MCPH1: variants seen among roughly 807,000 people sequenced by gnomAD.
MCPH1 encodes the protein microcephalin.
A neutral mutation model predicts 84.5 loss-of-function variants in MCPH1; 104 were observed. That is an observed-to-expected ratio of 1.23 (90% confidence interval 1.05 to 1.45). The LOEUF is 1.45. Ranked by LOEUF, MCPH1 falls within the 40% of genes most tolerant of loss-of-function variation. MCPH1 has a pLI of 0.00. For synonymous variants in MCPH1, 514 were observed against 366.8 expected, an observed-to-expected ratio of 1.40 and a Z score of -4.58; for missense variants, 1,498 against 1,005.7, an observed-to-expected ratio of 1.49 and a Z score of -6.62.
chr8:6,523,248 CT>C (rs1817703967), intron 12 of MCPH1, among the ~76,000 whole-genome samples: 1 of 152,184 alleles, frequency 6.6e-6, no homozygotes, highest in African/African-American at 2.4e-5. Flanking sequence ...CCGCCCGCCC[CT>C]GCCTCCCAAA....
At chr8:6,528,479 C>G (rs1008032195) in intron 12 of MCPH1, among the ~76,000 whole-genome samples, 1 of 152,056 alleles carries the variant, frequency 6.6e-6, no homozygotes, top group East Asian at 1.9e-4. Flanking sequence ...CATTTGTCAC[C>G]ACTTGTTTAG....
At chr8:6,512,186 C>T (rs1329515134) in intron 12 of MCPH1, among the ~76,000 whole-genome samples, 2 of 152,162 alleles carry the variant, frequency 1.3e-5, no homozygotes, top group Non-Finnish European at 2.9e-5. Context: ...GTTTCTCAAA[C>T]ATGCTTCTGA....
intron 12 of MCPH1, among the ~76,000 whole-genome samples, chr8:6,567,020 A>T (rs1826234290): frequency 7.1e-6 from 1 of 140,650 alleles, no homozygotes. Flanking sequence ...TAGATAGTGC[A>T]CGCGGTGCGG....
chr8:6,582,944 G>T (rs114531252), intron 12 of MCPH1, among the ~76,000 whole-genome samples: 1 of 152,104 alleles, frequency 6.6e-6, no homozygotes. Context: ...TCTGGGCCAC[G>T]ATGACTGGGG....
At chr8:6,432,952 C>T (rs1221937113) in intron 4 of MCPH1, among the ~76,000 whole-genome samples, 1 of 152,214 alleles carries the variant, frequency 6.6e-6, no homozygotes, top group Non-Finnish European at 1.5e-5. Flanking sequence ...ATGTAAGCAG[C>T]TTTCAATTTG....
intron 12 of MCPH1, among the ~76,000 whole-genome samples, chr8:6,504,576 G>T (rs997427410): frequency 6.6e-6 from 1 of 152,122 alleles, no homozygotes. Context: ...AAGTGCAAGA[G>T]TGATGATGCT....
chr8:6,586,281 C>T lies in MCPH1; in HGVS notation c.2215-35173C>T, dbSNP rs147412629. ...CAGCTCATCCTTCCTTTAAAACCGG[C>T]AGCTGGGCAATAATACAGATGGGAC... On this transcript the variant is annotated intron_variant, in intron 12 of 13. Transcript: ENST00000344683. 2.9e-4 allele frequency among the ~76,000 whole-genome samples: 44 copies of T among 152,244 alleles called. 1 individual carries two copies. The East Asian group carries it at 8.1e-3, about 28-fold the overall frequency.
intron 7 of MCPH1, 128 bp downstream of exon 7, chr8:6,442,284 T>TC (rs1380810317): frequency 1.5e-5 from 10 of 665,794 alleles, no homozygotes; most frequent in African/African-American, 5.4e-5. Context: ...CTTCTAAATT[T>TC]CCCCCTGAAA....
intron 12 of MCPH1, among the ~76,000 whole-genome samples, chr8:6,514,024 C>T (rs2442628): frequency 0.092 from 13,964 of 152,136 alleles, 892 homozygotes; most frequent in African/African-American, 0.18. Context: ...AGTTATTAGA[C>T]ACTAAGCTGC....
intron 12 of MCPH1, among the ~76,000 whole-genome samples, chr8:6,602,206 G>A (rs1829425897): frequency 6.6e-6 from 1 of 152,238 alleles, no homozygotes; most frequent in African/African-American, 2.4e-5. Context: ...TCGCTAGCGA[G>A]GAGGGAGGCA....
At chr8:6,614,039 C>G (rs1830554957) in intron 12 of MCPH1, among the ~76,000 whole-genome samples, 1 of 152,142 alleles carries the variant, frequency 6.6e-6, no homozygotes, top group South Asian at 2.1e-4. Context: ...CTCCCTGGTG[C>G]CAAAGACCAG....
At chr8:6,459,911 C>T (rs542600436) in intron 9 of MCPH1, among the ~76,000 whole-genome samples, 6 of 152,328 alleles carry the variant, frequency 3.9e-5, no homozygotes, top group South Asian at 4.1e-4. Context: ...AAGAGCAGCA[C>T]GGCCTTGGTG....
intron 12 of MCPH1, among the ~76,000 whole-genome samples, chr8:6,561,725 A>G (rs1251037507): frequency 2.0e-5 from 3 of 152,248 alleles, no homozygotes; most frequent in Non-Finnish European, 4.4e-5. Context: ...AGTCCATATA[A>G]AGAAAATTCC....
chr8:6,412,237 G>C (rs892027983), intron 2 of MCPH1, among the ~76,000 whole-genome samples: 7 of 152,188 alleles, frequency 4.6e-5, no homozygotes, highest in African/African-American at 1.7e-4. Flanking sequence ...GTAGGAACCC[G>C]AGGGAGTCTG....
intron 10 of MCPH1, among the ~76,000 whole-genome samples, chr8:6,480,187 G>A (rs547780576): frequency 8.0e-5 from 12 of 149,904 alleles, no homozygotes; most frequent in African/African-American, 2.5e-4. Flanking sequence ...GCAGTGACAC[G>A]ATCGCGGCTC....
At chr8:6,545,414 T>C (rs1822402384) in intron 12 of MCPH1, among the ~76,000 whole-genome samples, 1 of 152,254 alleles carries the variant, frequency 6.6e-6, no homozygotes, top group Non-Finnish European at 1.5e-5. Flanking sequence ...AGTTTTGTTG[T>C]GACACTATGA....
intron 12 of MCPH1, among the ~76,000 whole-genome samples, chr8:6,572,234 G>C (rs1826718659): frequency 6.6e-6 from 1 of 151,844 alleles, no homozygotes; most frequent in Non-Finnish European, 1.5e-5. Flanking sequence ...AACTATTCTA[G>C]TAAAATATTT....
intron 12 of MCPH1, among the ~76,000 whole-genome samples, chr8:6,531,650 C>A (rs1819538553): frequency 6.6e-6 from 1 of 152,198 alleles, no homozygotes; most frequent in Non-Finnish European, 1.5e-5. Flanking sequence ...CATAGAATCT[C>A]ACAGTGGAAA....
intron 11 of MCPH1, among the ~76,000 whole-genome samples, chr8:6,485,047 C>G (rs138761701): frequency 6.6e-6 from 1 of 152,102 alleles, no homozygotes; most frequent in African/African-American, 2.4e-5. Flanking sequence ...AATATCTAGG[C>G]GGGGTGCAGT....
Sources: allele counts gnomAD v4.1 joint callset (sites outside exome capture counted in the v4.1 genomes callset), GRCh38; gene constraint gnomAD v4.1.1; transcripts MANE v1.5; gene names NCBI Gene and HGNC (gene_info 2026-07-23, HGNC 2026-07-21).